Variants in NTM observed in about 807,000 individuals in gnomAD.
NTM encodes neurotrimin.
NTM carries 13 observed loss-of-function variants against 42.1 expected under a neutral mutation model. That is an observed-to-expected ratio of 0.31 (90% CI 0.20 to 0.49). The LOEUF is 0.49. Among genes scored for constraint, NTM ranks in the 20% least tolerant of loss-of-function variants. NTM has a pLI of 0.99. For synonymous variants in NTM, 187 were observed against 179.2 expected (o/e 1.04, Z -0.35); for missense variants, 373 against 452.8 (o/e 0.82, Z 1.60).
intron 1 of NTM, chr11:131,535,402 G>C (rs1025059696): frequency 1.3e-5 from 2 of 152,128 alleles, no homozygotes; most frequent in African/African-American, 2.4e-5. Context: ...AGGACATTAG[G>C]GGCTATGGGA....
intron 1 of NTM, among the ~76,000 whole-genome samples, chr11:131,684,386 C>T (rs1288082672): frequency 6.6e-6 from 1 of 152,304 alleles, no homozygotes; most frequent in South Asian, 2.1e-4. Context: ...AAAGGCAGTT[C>T]CCCCACACTC....
At chr11:131,508,339 C>A (rs2047766573) in intron 1 of NTM, among the ~76,000 whole-genome samples, 1 of 148,110 alleles carries the variant, frequency 6.8e-6, no homozygotes, top group Non-Finnish European at 1.5e-5. Flanking sequence ...AATGAGATAC[C>A]ATCTCACACC....
At chr11:131,576,846 A>T (rs1514649) in intron 1 of NTM, among the ~76,000 whole-genome samples, 2 of 152,020 alleles carry the variant, frequency 1.3e-5, no homozygotes, top group African/African-American at 4.8e-5. Context: ...TGTGACCCTG[A>T]GGAACTTCTT....
At chr11:131,502,578 C>T (rs1482697898) in intron 1 of NTM, among the ~76,000 whole-genome samples, 2 of 152,084 alleles carry the variant, frequency 1.3e-5, no homozygotes, top group East Asian at 3.9e-4. Context: ...GGAGTCGGGG[C>T]CCATGCTGCT....
intron 1 of NTM, among the ~76,000 whole-genome samples, chr11:131,731,814 G>A (rs909845376): frequency 3.9e-5 from 6 of 152,156 alleles, no homozygotes; most frequent in Non-Finnish European, 8.8e-5. Flanking sequence ...CAGAGATGGA[G>A]AATCTCCCTT....
At chr11:131,520,771 A>G (rs189213356) in intron 1 of NTM, among the ~76,000 whole-genome samples, 1 of 152,280 alleles carries the variant, frequency 6.6e-6, no homozygotes, top group Admixed American at 6.5e-5. Context: ...AAAAATCTCC[A>G]AAACCTACCT....
intron 1 of NTM, among the ~76,000 whole-genome samples, chr11:131,654,475 G>A (rs1464277725): frequency 6.6e-6 from 1 of 152,040 alleles, no homozygotes; most frequent in Non-Finnish European, 1.5e-5. Flanking sequence ...TCCATCTAAT[G>A]CAGAGCTTCT....
intron 1 of NTM, chr11:131,582,458 G>A (rs2058492314): frequency 6.6e-6 from 1 of 152,122 alleles, no homozygotes; most frequent in Non-Finnish European, 1.5e-5. Context: ...ATATGCTAAA[G>A]TTAACTTAGT....
chr11:131,621,954 A>C (rs2062613589), intron 1 of NTM, among the ~76,000 whole-genome samples: 1 of 152,162 alleles, frequency 6.6e-6, no homozygotes, highest in Non-Finnish European at 1.5e-5. Flanking sequence ...TCAGGGGCAA[A>C]ATGTCCTTTC....
chr11:131,733,243 T>A (rs1427290573), intron 1 of NTM, among the ~76,000 whole-genome samples: 1 of 152,168 alleles, frequency 6.6e-6, no homozygotes, highest in Non-Finnish European at 1.5e-5. Flanking sequence ...CTAGGTAGAA[T>A]GTTGATATCC....
chr11:132,074,939 T>G (rs1240523036), intron 2 of NTM, among the ~76,000 whole-genome samples: 1 of 152,224 alleles, frequency 6.6e-6, no homozygotes, highest in East Asian at 1.9e-4. Flanking sequence ...TTGTATGTAT[T>G]GAAAAATCAC....
chr11:131,645,349 C>T (rs546682816), intron 1 of NTM, among the ~76,000 whole-genome samples: 12 of 152,306 alleles, frequency 7.9e-5, no homozygotes, highest in African/African-American at 2.9e-4. Context: ...CCCAGCCTTT[C>T]TGCAATGCTC....
At chr11:131,767,556 C>T (rs1392794949) in intron 1 of NTM, among the ~76,000 whole-genome samples, 1 of 152,106 alleles carries the variant, frequency 6.6e-6, no homozygotes, top group Non-Finnish European at 1.5e-5. Context: ...GCACCCATGG[C>T]AGGATTTGTG....
At chr11:131,499,517 C>T (rs149439970) in intron 1 of NTM, among the ~76,000 whole-genome samples, 36 of 152,336 alleles carry the variant, frequency 2.4e-4, no homozygotes, top group Non-Finnish European at 3.7e-4. Context: ...CTTTCCAATC[C>T]ACTTTCCACA....
chr11:132,119,096 G>T (rs1196818923), intron 2 of NTM, among the ~76,000 whole-genome samples: 1 of 152,178 alleles, frequency 6.6e-6, no homozygotes, highest in Non-Finnish European at 1.5e-5. Context: ...TGGGACCTGG[G>T]CAGACAGTGC....
chr11:131,456,122 C>CT (rs1383350322), intron 1 of NTM, among the ~76,000 whole-genome samples: 1 of 152,106 alleles, frequency 6.6e-6, no homozygotes, highest in African/African-American at 2.4e-5. Flanking sequence ...CTTAGCGTTC[C>CT]AATAGTGGAG....
intron 4 of NTM, among the ~76,000 whole-genome samples, chr11:132,281,601 A>G (rs901868712): frequency 6.6e-6 from 1 of 152,224 alleles, no homozygotes; most frequent in African/African-American, 2.4e-5. Flanking sequence ...ATAGATATCT[A>G]AAAATACAGA....
At chr11:131,882,117 C>T (rs2049622813) in intron 1 of NTM, among the ~76,000 whole-genome samples, 1 of 152,168 alleles carries the variant, frequency 6.6e-6, no homozygotes, top group Admixed American at 6.5e-5. Context: ...TACATATGTA[C>T]ATTAGTCAGA....
At chr11:131,429,045 A>T (rs1219352399) in intron 1 of NTM, among the ~76,000 whole-genome samples, 1 of 152,002 alleles carries the variant, frequency 6.6e-6, no homozygotes, top group Non-Finnish European at 1.5e-5. Context: ...ACAGAGTGAG[A>T]CTCTGACTCA....
Sources: allele counts gnomAD v4.1 joint callset (sites outside exome capture counted in the v4.1 genomes callset), GRCh38; gene constraint gnomAD v4.1.1; transcripts MANE v1.5; gene names NCBI Gene and HGNC (gene_info 2026-07-23, HGNC 2026-07-21).